The following HOMER1 variants were observed in gnomAD, a reference collection of about 807,000 sequenced individuals.
HOMER1 encodes homer protein homolog 1.
HOMER1 carries 3 observed loss-of-function variants against 48.9 expected under a neutral mutation model. The observed-to-expected ratio is 0.06, with a 90% CI of 0.03 to 0.16. HOMER1 has a LOEUF of 0.16. Among genes scored for constraint, HOMER1 ranks in the 10% least tolerant of loss-of-function variants. The probability of loss-of-function intolerance (pLI) is 1.00; values close to 1 mark genes in which losing one functional copy is unlikely to be tolerated. For synonymous variants in HOMER1, 134 were observed against 146.4 expected, an observed-to-expected ratio of 0.92 and a Z score of 0.61; for missense variants, 247 against 411.4, an observed-to-expected ratio of 0.60 and a Z score of 3.46.
At position 79,379,422 on chromosome 5, in the gene HOMER1, T is replaced by A. The variant is rs576655831; in HGVS notation, c.877-3225A>T. Among the ~76,000 whole-genome samples, 27 of 118,306 alleles carry A rather than the reference T, an allele frequency of 2.3e-4. No homozygotes were observed. In the East Asian group the frequency reaches 5.5e-3, roughly 24 times the overall value. The allele number at this position is 118,306 out of a possible 152,430, so 77.6% of individuals were successfully genotyped here. ...AATATTTATATATTTATATATTTTA[T>A]ATATTATATATTTATTATATATTTA... On this transcript the variant is annotated intron_variant, in intron 8 of 8. Transcript: ENST00000334082.
At chr5:79,377,301 A>C (rs1401935909) in intron 8 of HOMER1, among the ~76,000 whole-genome samples, 1 of 152,216 alleles carries the variant, frequency 6.6e-6, no homozygotes, top group Non-Finnish European at 1.5e-5. Flanking sequence ...AAATGTGACA[A>C]ATATAATAAA....
chr5:79,491,668 G>A (rs1752283020), intron 1 of HOMER1, among the ~76,000 whole-genome samples: 1 of 152,038 alleles, frequency 6.6e-6, no homozygotes. Context: ...CACTATCACA[G>A]CAGTTCTGGA....
At chr5:79,444,328 T>G (rs976050423) in intron 4 of HOMER1, among the ~76,000 whole-genome samples, 4 of 152,156 alleles carry the variant, frequency 2.6e-5, no homozygotes, top group African/African-American at 9.7e-5. Flanking sequence ...CTTAGCCTCA[T>G]GAGTAGCTGG....
At chr5:79,484,532 T>A (rs912189972) in intron 1 of HOMER1, among the ~76,000 whole-genome samples, 1 of 151,928 alleles carries the variant, frequency 6.6e-6, no homozygotes, top group African/African-American at 2.4e-5. Context: ...TAGGCAACAC[T>A]GCAAGACCCT....
intron 2 of HOMER1, among the ~76,000 whole-genome samples, chr5:79,456,502 C>T (rs149645267): frequency 3.3e-4 from 51 of 152,286 alleles, no homozygotes; most frequent in African/African-American, 1.2e-3. Flanking sequence ...TAGTCTGTAG[C>T]AGTATATTTG....
At chr5:79,504,952 A>C (rs1245141050) in intron 1 of HOMER1, among the ~76,000 whole-genome samples, 1 of 152,176 alleles carries the variant, frequency 6.6e-6, no homozygotes, top group Non-Finnish European at 1.5e-5. Flanking sequence ...GATATGTATC[A>C]GAGCTATGTC....
intron 5 of HOMER1, among the ~76,000 whole-genome samples, chr5:79,416,437 C>A (rs1430068401): frequency 6.6e-6 from 1 of 152,156 alleles, no homozygotes; most frequent in Non-Finnish European, 1.5e-5. Flanking sequence ...TGCATAGTTT[C>A]CCATTTGATT....
intron 5 of HOMER1, among the ~76,000 whole-genome samples, chr5:79,419,994 CTT>C (rs35792233): frequency 6.6e-6 from 1 of 151,868 alleles, no homozygotes; most frequent in Admixed American, 6.6e-5. Flanking sequence ...AAGAAGCATT[CTT>C]TTTTTTATCT....
At chr5:79,399,874 T>G (rs1479865545) in intron 6 of HOMER1, among the ~76,000 whole-genome samples, 1 of 152,136 alleles carries the variant, frequency 6.6e-6, no homozygotes, top group African/African-American at 2.4e-5. Flanking sequence ...TTATTCAGGC[T>G]GAAGGGAAAC....
chr5:79,467,391 C>CAAAAAAAAAAA (rs71767032), intron 1 of HOMER1, among the ~76,000 whole-genome samples: 1 of 51,628 alleles, frequency 1.9e-5, no homozygotes, highest in Non-Finnish European at 3.8e-5. Context: ...AACTCCATCT[C>CAAAAAAAAAAA]AAAAAAAAAA....
intron 1 of HOMER1, among the ~76,000 whole-genome samples, chr5:79,498,377 C>T (rs1752484089): frequency 6.6e-6 from 1 of 152,172 alleles, no homozygotes; most frequent in African/African-American, 2.4e-5. Flanking sequence ...GCCTGGGCAA[C>T]AAGAGTGAAA....
At chr5:79,427,955 A>G (rs1158537259) in intron 5 of HOMER1, among the ~76,000 whole-genome samples, 2 of 152,144 alleles carry the variant, frequency 1.3e-5, no homozygotes. Flanking sequence ...CCCTCTCTAT[A>G]AGAGCTACCT....
chr5:79,379,113 TAAAA>T (rs1748866790), intron 8 of HOMER1, among the ~76,000 whole-genome samples: 4 of 87,738 alleles, frequency 4.6e-5, no homozygotes, highest in African/African-American at 2.0e-4. Context: ...TATATATATA[TAAAA>T]TATATAAATA....
chr5:79,477,899 C>T (rs1279354101), intron 1 of HOMER1, among the ~76,000 whole-genome samples: 1 of 151,002 alleles, frequency 6.6e-6, no homozygotes, highest in Non-Finnish European at 1.5e-5. Flanking sequence ...TTTCTCCTTC[C>T]TTGGTAAGAA....
chr5:79,496,063 G>A lies in HOMER1; in HGVS notation c.5+16707C>T, dbSNP rs114314872. Among the ~76,000 whole-genome samples the A allele has an allele frequency of 5.4e-3, 819 of 152,246 alleles. 9 individuals are homozygous for A. The highest frequency in any genetic ancestry group is 0.018 in the African/African-American group (759 of 41,534). On this transcript the variant is annotated intron_variant, in intron 1 of 8. Transcript: ENST00000334082. ...AATACAGTTTTCAAAATGTATTAAA[G>A]ATGGAAAATAGAAGGAATGGTGCCT...
At chr5:79,454,062 T>C (rs1355154629) in intron 2 of HOMER1, among the ~76,000 whole-genome samples, 1 of 152,222 alleles carries the variant, frequency 6.6e-6, no homozygotes, top group Non-Finnish European at 1.5e-5. Flanking sequence ...TTTATGATTC[T>C]AATAATTACA....
chr5:79,402,392 C>T (rs1749555991), intron 5 of HOMER1, among the ~76,000 whole-genome samples: 1 of 152,112 alleles, frequency 6.6e-6, no homozygotes, highest in African/African-American at 2.4e-5. Context: ...TGGTCTTGAA[C>T]TCCTGACCTC....
Position 79,401,945 on chromosome 5 carries a change from T to C in HOMER1, c.638A>G (p.Gln213Arg). 1 of 1,613,990 alleles carries C rather than the reference T, an allele frequency of 6.2e-7. No homozygotes were observed. The highest frequency in any genetic ancestry group is 8.5e-7 in the Non-Finnish European group (1 of 1,179,906). ...TTCCTCTTGATAGGCAGCAAGTTGC[T>C]GTTTCCATTGTTTCACATTGGCAGT... The part of the protein sequence containing the change: ...ESTANVKQWK[Q>R]QLAAYQEEAE... Residue 213 changes from glutamine (Q) to arginine (R), a missense_variant, in exon 6 of 9, where the codon CAG (glutamine) becomes CGG (arginine). This residue lies in a region of HOMER1 where 2 missense variants were observed against 31.6 expected (regional missense o/e 0.06). Coordinates refer to ENST00000334082, the MANE Select transcript of HOMER1 (RefSeq NM_004272.5).
intron 2 of HOMER1, among the ~76,000 whole-genome samples, chr5:79,455,279 A>T (rs1561370346): frequency 6.6e-6 from 1 of 152,098 alleles, no homozygotes; most frequent in Non-Finnish European, 1.5e-5. Flanking sequence ...TCAGATGGTG[A>T]TATGGTTTGG....
Sources: gnomAD v4.1 joint callset for allele counts (sites outside exome capture counted in the v4.1 genomes callset) on GRCh38, gnomAD v4.1.1 for gene constraint, gnomAD v4.1.1 regional missense constraint, MANE v1.5 for transcripts, NCBI Gene and HGNC (gene_info 2026-07-23, HGNC 2026-07-21) for gene names.